Variants in SLC7A2 observed in about 807,000 individuals in gnomAD.
SLC7A2 encodes cationic amino acid transporter 2.
SLC7A2 carries 48 observed loss-of-function variants against 58.9 expected under a neutral mutation model. The ratio of observed to expected loss-of-function variants is 0.82; its 90% confidence interval spans 0.65 to 1.04. SLC7A2 has a LOEUF of 1.04. SLC7A2 is among the 50% of genes least tolerant of loss of function. The probability of loss-of-function intolerance (pLI) is 0.00; values close to 1 mark genes in which losing one functional copy is unlikely to be tolerated. For missense variants in SLC7A2, 1,029 were observed against 818.8 expected (o/e 1.26, Z -3.13); for synonymous variants, 363 against 314.5 (o/e 1.15, Z -1.63).
intron 2 of SLC7A2, among the ~76,000 whole-genome samples, chr8:17,517,228 C>T (rs780715234): frequency 1.2e-4 from 18 of 152,004 alleles, no homozygotes; most frequent in Non-Finnish European, 2.4e-4. Flanking sequence ...AAAAACTTGG[C>T]AATAGAAGGA....
Position 17,560,469 on chromosome 8 carries a change from C to T in SLC7A2, c.1440C>T (p.Phe480=). ...QRQGFSMRTL[F]CPSLLPTQQS... Reference sequence around the variant, plus strand: ...AGGGCTTCAGCATGCGGACCCTCTTCTGCCCCTCCCTTCTGCCAACACAGC... The same window carrying T: ...AGGGCTTCAGCATGCGGACCCTCTTTTGCCCCTCCCTTCTGCCAACACAGC... The change falls in exon 10 of 13, where the codon TTC becomes TTT. Residue 480 remains phenylalanine, a synonymous_variant. Transcript: ENST00000494857. 3.1e-6 allele frequency: 5 copies of T among 1,614,032 alleles called. No individual in the cohort carries two copies. The highest frequency in any genetic ancestry group is 3.4e-6 in the Non-Finnish European group (4 of 1,179,922).
Position 17,569,795 on chromosome 8 carries a change from G to A in SLC7A2, c.*4649G>A, listed in dbSNP as rs1585286147. On this transcript the variant is annotated 3_prime_UTR_variant, in exon 13 of 13. Coordinates refer to ENST00000494857, the MANE Select transcript of SLC7A2 (RefSeq NM_001370338.1). ...TTGATTCACCATGGTTGATGCCACT[G>A]CCATGATCGCTGGGTCTTAAAGAGC... 1.3e-5 allele frequency: 2 copies of A among 152,136 alleles called. No individual in the cohort carries two copies. The highest frequency in any genetic ancestry group is 3.9e-4 in the East Asian group (2 of 5,188). The allele number at this position is 152,136 out of a possible 1,614,324, so 9.4% of individuals were successfully genotyped here. A position where few individuals can be genotyped will look rare whatever the true frequency, so the allele number is the denominator to read the frequency against.
rs369258300 is a variant in SLC7A2 at position 17,560,418 on chromosome 8, G to A, written c.1389G>A (p.Glu463=). The stretch of plus-strand genomic sequence containing the variant: ...CTCCCAGGGTAACCTCGAAGAGTGA[G>A]TCCCAGGTCACCATGCTGCAGAGAC... The part of the protein sequence containing the change: ...GSSPRVTSKS[E]SQVTMLQRQG... Residue 463 remains glutamate (E), a synonymous_variant, in exon 10 of 13, where the codon GAG becomes GAA. Transcript: ENST00000494857. 2.5e-6 allele frequency: 4 copies of A among 1,614,096 alleles called. No homozygotes were observed. In the South Asian group the frequency reaches 4.4e-5, roughly 18 times the overall value.
In SLC7A2 at chr8:17,548,675, T is replaced by C; in HGVS notation, c.533-3T>C. On this transcript the variant is annotated splice_region_variant and splice_polypyrimidine_tract_variant and intron_variant, in intron 4 of 12. Transcript: ENST00000494857. ...TAAAAATTGAAATGCCCTTTTTCCA[T>C]AGGTCTTTTGTCTTTTGGAGTAAAA... 1 of 1,590,000 alleles carries C rather than the reference T, an allele frequency of 6.3e-7. No individual in the cohort carries two copies. The highest frequency in any genetic ancestry group is 1.4e-5 in the African/African-American group (1 of 73,628).
chr8:17,547,237 GA>G (rs71215261), intron 4 of SLC7A2, among the ~76,000 whole-genome samples: 25,622 of 152,056 alleles, frequency 0.17, 2,352 homozygotes, highest in Non-Finnish European at 0.21. Context: ...ACCGAGTAGG[GA>G]AAGAACGTCT....
At chr8:17,509,971 G>C (rs1342876248) in intron 2 of SLC7A2, among the ~76,000 whole-genome samples, 1 of 152,202 alleles carries the variant, frequency 6.6e-6, no homozygotes, top group Middle Eastern at 3.4e-3. Context: ...TGTAACCCCA[G>C]CACTTTGGGA....
chr8:17,517,092 C>T (rs892162501), intron 2 of SLC7A2, among the ~76,000 whole-genome samples: 2 of 152,148 alleles, frequency 1.3e-5, no homozygotes, highest in Non-Finnish European at 2.9e-5. Context: ...AAATATGGAT[C>T]CAATATCTCT....
At position 17,510,100 on chromosome 8, in the gene SLC7A2, A is replaced by T. The variant is rs573442577; in HGVS notation, c.-23+7798A>T. On this transcript the variant is annotated intron_variant, in intron 2 of 12. Coordinates refer to ENST00000494857, the MANE Select transcript of SLC7A2 (RefSeq NM_001370338.1). Reference sequence around the variant, plus strand: ...CCGGGCGTGATAGCAGGCGACTGTAATCCCAGCTACTTGGGGGGCCAAGGC... The same window carrying T: ...CCGGGCGTGATAGCAGGCGACTGTATTCCCAGCTACTTGGGGGGCCAAGGC... 2.6e-5 allele frequency among the ~76,000 whole-genome samples: 4 copies of T among 152,162 alleles called. No homozygotes were observed. The East Asian group carries it at 7.8e-4, about 30-fold the overall frequency.
Position 17,554,596 on chromosome 8 carries a change from C to G in SLC7A2, c.1092C>G (p.Ile364Met), listed in dbSNP as rs1419649204. 6.2e-7 allele frequency: 1 copy of G among 1,610,938 alleles called. No homozygotes were observed. Among genetic ancestry groups the G allele is most frequent in the Non-Finnish European group, 8.5e-7 (1 of 1,179,280 alleles). ...CCATTTTCCCAATGCCTCGTGTAAT[C>G]TATGCTATGGCGGAGGATGGGTTGC... Reference protein sequence around the residue: ...LGSIFPMPRVIYAMAEDGLLF... With the variant: ...LGSIFPMPRVMYAMAEDGLLF... The change falls in exon 8 of 13, where the codon ATC (isoleucine) becomes ATG (methionine). Residue 364 changes from isoleucine (I) to methionine (M), a missense_variant. Transcript: ENST00000494857.
intron 2 of SLC7A2, among the ~76,000 whole-genome samples, chr8:17,542,487 C>T (rs1387951557): frequency 2.0e-5 from 3 of 151,868 alleles, no homozygotes; most frequent in Non-Finnish European, 2.9e-5. Context: ...CCTGTCTCTA[C>T]GAAAAATAAA....
chr8:17,508,045 C>A (rs1403154924), intron 2 of SLC7A2, among the ~76,000 whole-genome samples: 1 of 151,360 alleles, frequency 6.6e-6, no homozygotes, highest in Non-Finnish European at 1.5e-5. Context: ...ATAAATGGTG[C>A]TTTTAAACAA....
At chr8:17,511,745 G>T (rs111747196) in intron 2 of SLC7A2, among the ~76,000 whole-genome samples, 5,734 of 152,180 alleles carry the variant, frequency 0.038, 162 homozygotes, top group Middle Eastern at 0.17. Context: ...CTAATAAACT[G>T]GGGGCTTTAC....
intron 4 of SLC7A2, among the ~76,000 whole-genome samples, chr8:17,546,027 A>G (rs1337554671): frequency 6.6e-6 from 1 of 152,168 alleles, no homozygotes; most frequent in East Asian, 1.9e-4. Context: ...AATGTTTTGC[A>G]TTTTGAGTCT....
intron 2 of SLC7A2, among the ~76,000 whole-genome samples, chr8:17,511,687 G>A (rs984032086): frequency 6.6e-6 from 1 of 152,118 alleles, no homozygotes; most frequent in Non-Finnish European, 1.5e-5. Context: ...AATAACTGAA[G>A]GTGACGTTTT....
At chr8:17,496,633 T>C (rs1407337047), upstream of SLC7A2, among the ~76,000 whole-genome samples, 2 of 152,226 alleles carry the variant, frequency 1.3e-5, no homozygotes, top group Admixed American at 1.3e-4. Context: ...TAGTTTGCAT[T>C]TGACAAAGCA....
chr8:17,498,581 C>A (rs1213112583), intron 1 of SLC7A2: 1 of 152,184 alleles, frequency 6.6e-6, no homozygotes, highest in Non-Finnish European at 1.5e-5. Context: ...TTGCTAGTTG[C>A]CTGCTCTGGG....
intron 2 of SLC7A2, among the ~76,000 whole-genome samples, chr8:17,539,684 C>T (rs1162066344): frequency 2.6e-5 from 4 of 152,044 alleles, no homozygotes; most frequent in Non-Finnish European, 4.4e-5. Flanking sequence ...ATACTACATG[C>T]GTGTAGGTTT....
At chr8:17,525,953 G>A (rs1323098138) in intron 2 of SLC7A2, among the ~76,000 whole-genome samples, 2 of 152,070 alleles carry the variant, frequency 1.3e-5, no homozygotes, top group Non-Finnish European at 2.9e-5. Flanking sequence ...TTCATGATGG[G>A]GAAGTAATTT....
At chr8:17,529,953 C>T (rs867004742) in intron 2 of SLC7A2, among the ~76,000 whole-genome samples, 3 of 152,094 alleles carry the variant, frequency 2.0e-5, no homozygotes, top group African/African-American at 7.2e-5. Flanking sequence ...AAAGCAGTAG[C>T]AAAAACTACG....
Sources: allele counts gnomAD v4.1 joint callset (sites outside exome capture counted in the v4.1 genomes callset), GRCh38; gene constraint gnomAD v4.1.1; transcripts MANE v1.5; gene names NCBI Gene and HGNC (gene_info 2026-07-23, HGNC 2026-07-21).